Variants in RBFOX1 observed in about 807,000 individuals in gnomAD.
RBFOX1 encodes the protein RNA binding fox-1 homolog 1, also known as RNA binding protein fox-1 homolog 1.
A neutral mutation model predicts 57.7 loss-of-function variants in RBFOX1; 8 were observed. That is an observed-to-expected ratio of 0.14 (90% CI 0.08 to 0.25). The LOEUF is 0.25. RBFOX1 is among the 10% of genes least tolerant of loss of function. RBFOX1 has a pLI of 1.00. For missense variants in RBFOX1, 611 were observed against 548.5 expected, an observed-to-expected ratio of 1.11 and a Z score of -1.14; for synonymous variants, 326 against 222.4, an observed-to-expected ratio of 1.47 and a Z score of -4.15.
At chr16:6,675,738 T>C (rs1407102069) in intron 3 of RBFOX1, among the ~76,000 whole-genome samples, 1 of 152,170 alleles carries the variant, frequency 6.6e-6, no homozygotes, top group African/African-American at 2.4e-5. Flanking sequence ...TTTCCCTTTA[T>C]GAAACCATCA....
At chr16:5,814,976 C>G (rs1451263566) in intron 3 of RBFOX1, among the ~76,000 whole-genome samples, 1 of 151,554 alleles carries the variant, frequency 6.6e-6, no homozygotes, top group Admixed American at 6.6e-5. Context: ...TATTCCTGAC[C>G]TATTTTCTTT....
chr16:6,764,550 C>CA (rs1201716492), intron 3 of RBFOX1, among the ~76,000 whole-genome samples: 1 of 152,188 alleles, frequency 6.6e-6, no homozygotes, highest in Non-Finnish European at 1.5e-5. Flanking sequence ...GAAATAAGGA[C>CA]ATGGTTTCTG....
At chr16:6,195,019 C>T (rs1460196673) in intron 1 of RBFOX1, among the ~76,000 whole-genome samples, 2 of 152,152 alleles carry the variant, frequency 1.3e-5, no homozygotes, top group Non-Finnish European at 2.9e-5. Context: ...GTCTGCATTA[C>T]TCTAGGCCAG....
intron 3 of RBFOX1, among the ~76,000 whole-genome samples, chr16:5,646,404 G>C (rs1333882443): frequency 6.6e-6 from 1 of 152,084 alleles, no homozygotes; most frequent in Non-Finnish European, 1.5e-5. Context: ...CTCCTAAAGT[G>C]CTGGGATTAG....
chr16:7,152,243 T>C (rs2152293891), intron 4 of RBFOX1, among the ~76,000 whole-genome samples: 1 of 152,290 alleles, frequency 6.6e-6, no homozygotes, highest in South Asian at 2.1e-4. Flanking sequence ...GTAGCACAAG[T>C]AGGCTGTGCA....
chr16:6,499,797 C>G (rs549627990), intron 2 of RBFOX1, among the ~76,000 whole-genome samples: 2 of 152,186 alleles, frequency 1.3e-5, no homozygotes, highest in East Asian at 3.9e-4. Flanking sequence ...GTCCCAGTCT[C>G]CAGTCATTAG....
chr16:6,358,935 C>T (rs982636536), intron 2 of RBFOX1, among the ~76,000 whole-genome samples: 2 of 152,206 alleles, frequency 1.3e-5, no homozygotes, highest in Non-Finnish European at 2.9e-5. Context: ...AGCTGAGATT[C>T]TGGCATCTGT....
intron 1 of RBFOX1, among the ~76,000 whole-genome samples, chr16:5,397,114 A>T (rs541644275): frequency 1.3e-3 from 199 of 152,374 alleles, no homozygotes; most frequent in African/African-American, 4.2e-3. Flanking sequence ...CAATCAGCTC[A>T]TCCAAAGGCA....
rs540458590 is a variant in RBFOX1, at chr16:6,783,856, G to C, written c.-16+129206G>C. Among the ~76,000 whole-genome samples, 50 of 152,174 alleles carry C rather than the reference G, an allele frequency of 3.3e-4. No homozygotes were observed. In the South Asian group the frequency reaches 3.5e-3, roughly 11 times the overall value. On this transcript the variant is annotated intron_variant, in intron 3 of 15. Transcript: ENST00000550418. ...GTGTTGATGAATTACCTCAGGTTTT[G>C]TTTGTCTGAGAAAGTCTTTACTTCT...
At chr16:7,058,789 C>T (rs189376679) in intron 4 of RBFOX1, among the ~76,000 whole-genome samples, 3 of 152,040 alleles carry the variant, frequency 2.0e-5, no homozygotes, top group Admixed American at 2.0e-4. Context: ...ACAAAGTTTC[C>T]TTGGCACACA....
At chr16:5,778,905 T>C (rs892467632) in intron 3 of RBFOX1, among the ~76,000 whole-genome samples, 1 of 152,196 alleles carries the variant, frequency 6.6e-6, no homozygotes, top group African/African-American at 2.4e-5. Context: ...TAAAACGAAA[T>C]ACATGTTTAT....
chr16:7,395,700 C>A (rs1235275656), intron 4 of RBFOX1, among the ~76,000 whole-genome samples: 1 of 152,172 alleles, frequency 6.6e-6, no homozygotes, highest in Non-Finnish European at 1.5e-5. Context: ...TATAGACTTG[C>A]AAATGCTCTA....
At chr16:5,938,337 G>A (rs1051377597) in intron 4 of RBFOX1, among the ~76,000 whole-genome samples, 1 of 152,098 alleles carries the variant, frequency 6.6e-6, no homozygotes, top group African/African-American at 2.4e-5. Flanking sequence ...CTCACTGATC[G>A]TTGCTGATGG....
intron 3 of RBFOX1, among the ~76,000 whole-genome samples, chr16:6,909,433 C>T (rs1019048642): frequency 6.6e-6 from 1 of 152,228 alleles, no homozygotes; most frequent in Non-Finnish European, 1.5e-5. Flanking sequence ...TTTTGCCAGG[C>T]AAGGTGACGT....
chr16:6,794,205 A>T (rs78437549), intron 3 of RBFOX1, among the ~76,000 whole-genome samples: 4,293 of 151,272 alleles, frequency 0.028, 190 homozygotes, highest in African/African-American at 0.095. Context: ...GATTACTGGG[A>T]GAAGGCTTGT....
chr16:6,098,615 A>G (rs112179479), intron 1 of RBFOX1, among the ~76,000 whole-genome samples: 3,654 of 152,342 alleles, frequency 0.024, 59 homozygotes, highest in Middle Eastern at 0.041. Context: ...GCCAAGGGCC[A>G]TGCACATTCT....
chr16:5,393,777 G>C (rs974514100), intron 1 of RBFOX1, among the ~76,000 whole-genome samples: 1 of 152,178 alleles, frequency 6.6e-6, no homozygotes, highest in African/African-American at 2.4e-5. Context: ...CTATAAGTCT[G>C]TTATTCACAG....
At chr16:6,381,674 C>G (rs1449826997) in intron 2 of RBFOX1, among the ~76,000 whole-genome samples, 1 of 152,206 alleles carries the variant, frequency 6.6e-6, no homozygotes, top group East Asian at 1.9e-4. Context: ...GATGAGTTTG[C>G]TTCTGTCATG....
At chr16:5,887,596 G>T (rs1025536027) in intron 4 of RBFOX1, among the ~76,000 whole-genome samples, 1 of 152,020 alleles carries the variant, frequency 6.6e-6, no homozygotes, top group Non-Finnish European at 1.5e-5. Context: ...TAGAGATGAG[G>T]TTTCACCAAG....
Sources: allele counts gnomAD v4.1 joint callset (sites outside exome capture counted in the v4.1 genomes callset), GRCh38; gene constraint gnomAD v4.1.1; transcripts MANE v1.5; gene names NCBI Gene and HGNC (gene_info 2026-07-23, HGNC 2026-07-21).